NRG3: variants seen among roughly 807,000 people sequenced by gnomAD.
The protein encoded by NRG3 is pro-neuregulin-3, membrane-bound isoform.
A neutral mutation model predicts 66.9 loss-of-function variants in NRG3; 31 were observed. The ratio of observed to expected loss-of-function variants is 0.46; its 90% CI spans 0.35 to 0.63. The LOEUF (loss-of-function observed/expected upper bound fraction) is 0.63, where lower values mean the gene tolerates loss of function less well. Ranked by LOEUF, NRG3 falls within the 20% of genes least tolerant of loss-of-function variation. NRG3 has a pLI of 0.00. For synonymous variants in NRG3, 393 were observed against 359.4 expected (o/e 1.09, Z -1.06); for missense variants, 910 against 878.9 (o/e 1.04, Z -0.45).
intron 3 of NRG3, among the ~76,000 whole-genome samples, chr10:82,805,289 A>G (rs756832576): frequency 6.6e-6 from 1 of 152,138 alleles, no homozygotes; most frequent in Non-Finnish European, 1.5e-5. Flanking sequence ...ACCATCGGAC[A>G]TTCCTTTGAT....
At chr10:82,701,565 CGT>C (rs2055882891) in intron 2 of NRG3, among the ~76,000 whole-genome samples, 1 of 152,100 alleles carries the variant, frequency 6.6e-6, no homozygotes, top group Non-Finnish European at 1.5e-5. Flanking sequence ...CACCATTCAA[CGT>C]ACTTAGAACA....
intron 3 of NRG3, among the ~76,000 whole-genome samples, chr10:82,849,437 C>T (rs557505996): frequency 6.6e-6 from 1 of 152,284 alleles, no homozygotes; most frequent in South Asian, 2.1e-4. Context: ...AACTAACACA[C>T]AGTGAAGCCC....
intron 2 of NRG3, among the ~76,000 whole-genome samples, chr10:82,512,896 A>G (rs576011904): frequency 4.6e-5 from 7 of 152,172 alleles, no homozygotes; most frequent in Admixed American, 2.0e-4. Context: ...CAATAATTGT[A>G]TTTCTTCATT....
chr10:82,672,287 A>T (rs559746366), intron 2 of NRG3, among the ~76,000 whole-genome samples: 2 of 152,304 alleles, frequency 1.3e-5, no homozygotes, highest in Non-Finnish European at 1.5e-5. Context: ...AGGACAGGCC[A>T]TGTGGCCAGA....
chr10:82,908,494 C>T (rs1844976065), intron 4 of NRG3, among the ~76,000 whole-genome samples: 1 of 152,114 alleles, frequency 6.6e-6, no homozygotes. Context: ...CAAAACCAAG[C>T]AACTGGTGAT....
At chr10:82,933,218 A>G (rs537857862) in intron 4 of NRG3, among the ~76,000 whole-genome samples, 249 of 152,260 alleles carry the variant, frequency 1.6e-3, no homozygotes, top group African/African-American at 5.8e-3. Flanking sequence ...GTGTTGACAG[A>G]GTGAGTAGGA....
At chr10:82,664,973 T>C (rs2052649331) in intron 2 of NRG3, among the ~76,000 whole-genome samples, 1 of 152,298 alleles carries the variant, frequency 6.6e-6, no homozygotes, top group Admixed American at 6.5e-5. Context: ...TTTTCATCAA[T>C]ACTCTACAGC....
intron 1 of NRG3, among the ~76,000 whole-genome samples, chr10:82,321,601 G>A (rs531606436): frequency 2.0e-5 from 3 of 152,236 alleles, no homozygotes; most frequent in African/African-American, 7.2e-5. Flanking sequence ...CTGGTTTTGG[G>A]TTTTGACAAG....
rs187600504 is a variant in NRG3, at chr10:82,530,171, T to C, written c.953+171303T>C. 6.9e-3 allele frequency among the ~76,000 whole-genome samples: 1,054 copies of C among 152,244 alleles called. 40 individuals carry two copies. Among genetic ancestry groups the C allele is most frequent in the Admixed American group, 0.06 (911 of 15,282 alleles). ...ATATTAAAGAGAAACTACTTGTTTC[T>C]TTTTCACAGTTTAATACACATACAA... On this transcript the variant is annotated intron_variant, in intron 2 of 8. Coordinates refer to ENST00000372141, the MANE Select transcript of NRG3 (RefSeq NM_001010848.4).
intron 2 of NRG3, among the ~76,000 whole-genome samples, chr10:82,470,457 C>T (rs750379692): frequency 5.9e-5 from 9 of 152,118 alleles, no homozygotes; most frequent in African/African-American, 2.2e-4. Flanking sequence ...TAAAAGAGAA[C>T]GATAATTATT....
intron 1 of NRG3, among the ~76,000 whole-genome samples, chr10:82,133,794 T>C (rs1042672113): frequency 6.6e-6 from 1 of 152,184 alleles, no homozygotes; most frequent in Admixed American, 6.5e-5. Flanking sequence ...ATGGGATTGC[T>C]GGATGGAATG....
intron 3 of NRG3, among the ~76,000 whole-genome samples, chr10:82,771,917 C>T (rs2059726800): frequency 1.3e-5 from 2 of 152,090 alleles, no homozygotes; most frequent in Admixed American, 1.3e-4. Flanking sequence ...TTACTTAACA[C>T]TCATATTCAA....
chr10:82,963,543 G>T (rs1201249646), intron 6 of NRG3, among the ~76,000 whole-genome samples: 1 of 152,146 alleles, frequency 6.6e-6, no homozygotes, highest in South Asian at 2.1e-4. Context: ...AGCCTGGCGC[G>T]GTGGCTGACG....
intron 1 of NRG3, among the ~76,000 whole-genome samples, chr10:81,900,262 ACTT>A (rs1843925636): frequency 5.0e-5 from 4 of 79,378 alleles, no homozygotes; most frequent in Non-Finnish European, 7.9e-5. Context: ...TTTAACGCAC[ACTT>A]CTTATAAGTG....
chr10:82,506,424 G>A (rs1844683900), intron 2 of NRG3, among the ~76,000 whole-genome samples: 1 of 152,070 alleles, frequency 6.6e-6, no homozygotes, highest in East Asian at 1.9e-4. Context: ...TTTGTTGCCT[G>A]CAGTCACAGA....
intron 4 of NRG3, among the ~76,000 whole-genome samples, chr10:82,914,397 G>C (rs765079822): frequency 1.3e-5 from 2 of 152,062 alleles, no homozygotes; most frequent in African/African-American, 2.4e-5. Flanking sequence ...AGGTAAAAGG[G>C]ATTGACATAA....
At chr10:81,965,592 T>C (rs4141627) in intron 1 of NRG3, among the ~76,000 whole-genome samples, 149,805 of 152,246 alleles carry the variant, frequency 0.98, 73,722 homozygotes, top group East Asian at 1. Context: ...AAATCATCTA[T>C]GATTTTATGT....
At chr10:82,007,211 CT>C (rs34146080) in intron 1 of NRG3, among the ~76,000 whole-genome samples, 3,040 of 130,458 alleles carry the variant, frequency 0.023, 81 homozygotes, top group African/African-American at 0.08. Flanking sequence ...TTTTTCTTTT[CT>C]TTTTTTTTTT....
chr10:82,453,685 A>AAAAAAAAAAAC (rs1274993990), intron 2 of NRG3, among the ~76,000 whole-genome samples: 2 of 150,520 alleles, frequency 1.3e-5, no homozygotes, highest in Admixed American at 6.6e-5. Context: ...TTTGAGCTAA[A>AAAAAAAAAAAC]AAAAAAAAAA....
Sources: allele counts gnomAD v4.1 joint callset (sites outside exome capture counted in the v4.1 genomes callset), GRCh38; gene constraint gnomAD v4.1.1; transcripts MANE v1.5; gene names NCBI Gene and HGNC (gene_info 2026-07-23, HGNC 2026-07-21).